The following ADD3 variants were observed in gnomAD, a reference collection of about 807,000 sequenced individuals.
The protein encoded by ADD3 is adducin 3.
In ADD3, 25 loss-of-function variants were observed where a neutral mutation model predicts 80.2. The observed-to-expected ratio is 0.31, with a 90% CI of 0.23 to 0.44. The LOEUF is 0.44. Among genes scored for constraint, ADD3 ranks in the 20% least tolerant of loss-of-function variants. The probability of loss-of-function intolerance (pLI) is 1.00; values close to 1 mark genes in which losing one functional copy is unlikely to be tolerated. For missense variants in ADD3, 829 were observed against 847.5 expected (o/e 0.98, Z 0.27); for synonymous variants, 284 against 289.6 (o/e 0.98, Z 0.20).
At chr10:110,047,267 G>A (rs10787222) in intron 1 of ADD3, among the ~76,000 whole-genome samples, 142,298 of 152,290 alleles carry the variant, frequency 0.93, 66,712 homozygotes, top group East Asian at 1. Flanking sequence ...AAGTAGATTT[G>A]CCGACTTAAC....
chr10:110,047,857 T>G (rs1564889382), intron 1 of ADD3, among the ~76,000 whole-genome samples: 1 of 152,192 alleles, frequency 6.6e-6, no homozygotes, highest in Non-Finnish European at 1.5e-5. Flanking sequence ...ATGAGTATGT[T>G]TAAAATCCAG....
intron 1 of ADD3, among the ~76,000 whole-genome samples, chr10:110,082,558 A>G (rs566762143): frequency 6.6e-6 from 1 of 152,290 alleles, no homozygotes; most frequent in East Asian, 1.9e-4. Flanking sequence ...AATAAACTGG[A>G]AAGTCCTTAA....
intron 1 of ADD3, among the ~76,000 whole-genome samples, chr10:110,008,574 C>A (rs759277552): frequency 3.0e-4 from 46 of 152,128 alleles, no homozygotes; most frequent in Non-Finnish European, 6.0e-4. Flanking sequence ...GCGGCGCCGC[C>A]GGGTGGGCCC....
At position 110,116,270 on chromosome 10, in the gene ADD3, G is replaced by T. The variant is rs752584916; in HGVS notation, c.346G>T (p.Val116Phe). Residue 116 changes from valine to phenylalanine, a missense_variant, in exon 4 of 15, where the codon GTC becomes TTC. By Grantham distance (50) the Val-to-Phe change is conservative (BLOSUM62 -1). Transcript: ENST00000356080. ...TTTTGCTCTTTTAGGTCTTGGCATG[G>T]TCACACCTATCAATGACCTTCCTGG... ...FSSPPLSLGM[V>F]TPINDLPGAD... 6.2e-7 allele frequency: 1 copy of T among 1,613,956 alleles called. No homozygotes were observed. Among genetic ancestry groups the T allele is most frequent in the Non-Finnish European group, 8.5e-7 (1 of 1,179,936 alleles).
At chr10:110,035,691 C>A (rs1315909952) in intron 1 of ADD3, among the ~76,000 whole-genome samples, 1 of 152,194 alleles carries the variant, frequency 6.6e-6, no homozygotes, top group Non-Finnish European at 1.5e-5. Flanking sequence ...AATTGCTAGG[C>A]CACACCCCAT....
intron 10 of ADD3, among the ~76,000 whole-genome samples, chr10:110,124,627 A>G (rs1323479633): frequency 1.3e-5 from 2 of 152,068 alleles, no homozygotes; most frequent in Non-Finnish European, 2.9e-5. Flanking sequence ...AGTTTCTATT[A>G]AACTACACCA....
At chr10:110,087,995 G>A (rs1847011672) in intron 1 of ADD3, among the ~76,000 whole-genome samples, 1 of 152,118 alleles carries the variant, frequency 6.6e-6, no homozygotes, top group Non-Finnish European at 1.5e-5. Flanking sequence ...TGGTCCCTAG[G>A]CTTGTGCTGC....
intron 1 of ADD3, among the ~76,000 whole-genome samples, chr10:110,012,333 G>A (rs1409125741): frequency 6.6e-6 from 1 of 152,218 alleles, no homozygotes; most frequent in Non-Finnish European, 1.5e-5. Flanking sequence ...TGAATTGCCA[G>A]TTGAAAACAT....
intron 1 of ADD3, among the ~76,000 whole-genome samples, chr10:110,059,231 G>C (rs576745370): frequency 1.3e-3 from 201 of 152,334 alleles, no homozygotes; most frequent in Middle Eastern, 3.4e-3. Flanking sequence ...CAGCACTTTA[G>C]GAGGCTGAGG....
At chr10:110,075,394 C>G (rs1845274362) in intron 1 of ADD3, among the ~76,000 whole-genome samples, 1 of 151,704 alleles carries the variant, frequency 6.6e-6, no homozygotes, top group Non-Finnish European at 1.5e-5. Context: ...AAAACTAGAT[C>G]TGGATTTCAT....
intron 1 of ADD3, among the ~76,000 whole-genome samples, chr10:110,084,635 A>AG (rs933794637): frequency 3.3e-5 from 5 of 152,212 alleles, no homozygotes; most frequent in African/African-American, 1.2e-4. Context: ...ATGAGAAATG[A>AG]GGTAGAATAA....
intron 10 of ADD3, 31 bp from the exon 11 acceptor site, chr10:110,125,795 G>C: frequency 6.5e-7 from 1 of 1,539,744 alleles, no homozygotes; most frequent in Non-Finnish European, 8.8e-7. Flanking sequence ...TTAACACAAA[G>C]CTTCATTTTA....
At chr10:110,133,049 A>G (rs1853259842) in intron 14 of ADD3, among the ~76,000 whole-genome samples, 1 of 152,048 alleles carries the variant, frequency 6.6e-6, no homozygotes, top group African/African-American at 2.4e-5. Context: ...TGTCTTCCTC[A>G]TTTATACTTA....
chr10:110,119,127 C>A, intron 6 of ADD3, 84 bp from the exon 7 acceptor site: 1 of 1,481,020 alleles, frequency 6.8e-7, no homozygotes. Context: ...CCAGTGTTTT[C>A]CTGAGCTGAC....
At chr10:110,116,502 A>C in intron 4 of ADD3, 92 bp downstream of exon 4, 1 of 1,323,504 alleles carries the variant, frequency 7.6e-7, no homozygotes, top group Non-Finnish European at 1.1e-6. Context: ...TCCAGTTTTC[A>C]GACTTATTCT....
At chr10:110,029,033 C>A (rs952902721) in intron 1 of ADD3, among the ~76,000 whole-genome samples, 13 of 152,170 alleles carry the variant, frequency 8.5e-5, no homozygotes, top group Non-Finnish European at 5.9e-5. Flanking sequence ...GCATGTGTCA[C>A]CATGCCCAGC....
At position 110,132,386 on chromosome 10, in the gene ADD3, C is replaced by T; in HGVS notation, c.1814C>T (p.Pro605Leu). Reference protein sequence around the residue: ...QSQTQSPQNVPEKLEENHELF... With the variant: ...QSQTQSPQNVLEKLEENHELF... ...CAAACTCAGTCACCGCAAAATGTCC[C>T]TGAAAAATTAGAAGGTACTCAATGT... Residue 605 changes from proline (P) to leucine (L), a missense_variant, in exon 14 of 15, where the codon CCT becomes CTT. Transcript: ENST00000356080. 6.2e-7 allele frequency: 1 copy of T among 1,611,632 alleles called. No individual in the cohort carries two copies.
rs569279260 is a variant in ADD3, at chr10:110,028,755, A to G, written c.-30+20456A>G. Among the ~76,000 whole-genome samples, 118 of 152,260 alleles carry G rather than the reference A, an allele frequency of 7.7e-4. 1 individual carries two copies. The highest frequency in any genetic ancestry group is 2.8e-3 in the African/African-American group (115 of 41,556). ...TAAATAGAAAGAAATGAGTTTTGCT[A>G]ATTTTATTTCCATGTACTTATACCA... On this transcript the variant is annotated intron_variant, in intron 1 of 14. Transcript: ENST00000356080.
At chr10:110,102,469 C>T (rs943922881) in intron 2 of ADD3, among the ~76,000 whole-genome samples, 7 of 151,978 alleles carry the variant, frequency 4.6e-5, no homozygotes, top group African/African-American at 1.2e-4. Context: ...ATTAGTCGAG[C>T]GTGGTGGTGT....
Sources: allele counts gnomAD v4.1 joint callset (sites outside exome capture counted in the v4.1 genomes callset), GRCh38; gene constraint gnomAD v4.1.1; transcripts MANE v1.5; gene names NCBI Gene and HGNC (gene_info 2026-07-23, HGNC 2026-07-21).